CNTNAP3B: variants seen among roughly 807,000 people sequenced by gnomAD.
The protein encoded by CNTNAP3B is contactin associated protein family member 3B.
A neutral mutation model predicts 108.9 loss-of-function variants in CNTNAP3B; 25 were observed. That is an observed-to-expected ratio of 0.23 (90% CI 0.17 to 0.32). The LOEUF (loss-of-function observed/expected upper bound fraction) is 0.32, where lower values mean the gene tolerates loss of function less well. Among genes scored for constraint, CNTNAP3B ranks in the 10% least tolerant of loss-of-function variants. CNTNAP3B has a pLI of 1.00. For synonymous variants in CNTNAP3B, 103 were observed against 473.4 expected (o/e 0.22, Z 10.16); for missense variants, 252 against 1,210.4 (o/e 0.21, Z 11.75).
At position 41,954,966 on chromosome 9, in the gene CNTNAP3B, G is replaced by A. The variant is rs1223639611; in HGVS notation, c.1877-1580C>T. 2.0e-5 allele frequency among the ~76,000 whole-genome samples: 3 copies of A among 151,942 alleles called. No homozygotes were observed. The East Asian group carries it at 5.8e-4, about 29-fold the overall frequency. ...CTCCCAAAGTGCTGGGATTACAGGTGTGAGCCACCACGCCTGGCCTCATTT... is the reference window on the plus strand; with the variant it reads ...CTCCCAAAGTGCTGGGATTACAGGTATGAGCCACCACGCCTGGCCTCATTT... On this transcript the variant is annotated intron_variant, in intron 12 of 23. Transcript: ENST00000377561.
Position 41,983,829 on chromosome 9 carries a change from C to T in CNTNAP3B, c.1477+2339G>A, listed in dbSNP as rs1350144279. On this transcript the variant is annotated intron_variant, in intron 9 of 23. Transcript: ENST00000377561. ...CTTTGGGAGGCCGAGGCGGTCGAAT[C>T]ACAAGGTCAGGAGATCGAGACCATC... The T allele has an allele frequency of 2.2e-5, 2 of 89,310 alleles. 1 individual carries two copies. The highest frequency in any genetic ancestry group is 8.6e-5 in the African/African-American group (2 of 23,300). The allele number at this position is 89,310 out of a possible 1,614,324, so 5.5% of individuals were successfully genotyped here.
intron 12 of CNTNAP3B, chr9:41,960,424 G>C (rs1286469753): frequency 5.0e-6 from 1 of 198,328 alleles, no homozygotes; most frequent in African/African-American, 2.4e-5. Context: ...ACATATCTAT[G>C]TTATTTCTTA....
At chr9:42,053,581 A>G (rs1442804677) in intron 3 of CNTNAP3B, among the ~76,000 whole-genome samples, 1 of 139,720 alleles carries the variant, frequency 7.2e-6, no homozygotes, top group Admixed American at 7.1e-5. Context: ...TGAGGTGGAG[A>G]CCAGTTGGCA....
intron 2 of CNTNAP3B, among the ~76,000 whole-genome samples, chr9:42,096,033 C>T (rs535456382): frequency 7.2e-6 from 1 of 139,062 alleles, no homozygotes; most frequent in East Asian, 2.2e-4. Context: ...CATGGTCTTG[C>T]TCACCTGCCT....
Position 42,115,136 on chromosome 9 carries a change from C to A in CNTNAP3B, c.86-10397G>T, listed in dbSNP as rs1411413223. Among the ~76,000 whole-genome samples, 23 of 138,600 alleles carry A rather than the reference C, an allele frequency of 1.7e-4. 3 individuals carry two copies. Among genetic ancestry groups the A allele is most frequent in the African/African-American group, 6.3e-4 (22 of 34,932 alleles). 90.9% of individuals were successfully genotyped at this position (138,600 alleles called of 152,430 possible). A position where few individuals can be genotyped will look rare whatever the true frequency, so the allele number is the denominator to read the frequency against. ...GCAAAGTGAGTTAAAGCCCAGAACACATTAAGACTTTCAAACATTGCTAAA... is the reference window on the plus strand; with the variant it reads ...GCAAAGTGAGTTAAAGCCCAGAACAAATTAAGACTTTCAAACATTGCTAAA... On this transcript the variant is annotated intron_variant, in intron 1 of 23. Transcript: ENST00000377561.
At chr9:41,943,052 A>G (rs1407568004) in intron 13 of CNTNAP3B, among the ~76,000 whole-genome samples, 1 of 152,294 alleles carries the variant, frequency 6.6e-6, no homozygotes, top group African/African-American at 2.4e-5. Flanking sequence ...TCAGATAAGG[A>G]ATTTGAAATA....
intron 13 of CNTNAP3B, among the ~76,000 whole-genome samples, chr9:41,947,311 G>A (rs1327303595): frequency 5.6e-3 from 847 of 151,890 alleles, no homozygotes; most frequent in African/African-American, 0.02. Flanking sequence ...ATCACACAAA[G>A]TATATTCTCT....
chr9:42,026,845 C>A (rs1826420511), intron 3 of CNTNAP3B, among the ~76,000 whole-genome samples: 1 of 134,610 alleles, frequency 7.4e-6, no homozygotes, highest in South Asian at 2.5e-4. Context: ...CCCCAGGAAC[C>A]CAATCCTGCT....
At chr9:42,070,759 C>T (rs1433950608) in intron 3 of CNTNAP3B, among the ~76,000 whole-genome samples, 1 of 152,176 alleles carries the variant, frequency 6.6e-6, no homozygotes, top group Non-Finnish European at 1.5e-5. Context: ...CTTCCTTCTG[C>T]CCCCTCCGTT....
Position 42,118,425 on chromosome 9 carries a change from C to T in CNTNAP3B, c.85+10585G>A, listed in dbSNP as rs1828373620. 2.2e-5 allele frequency among the ~76,000 whole-genome samples: 3 copies of T among 138,628 alleles called. 1 individual carries two copies. Among genetic ancestry groups the T allele is most frequent in the African/African-American group, 8.6e-5 (3 of 34,928 alleles). 90.9% of individuals were successfully genotyped at this position (138,628 alleles called of 152,430 possible). On this transcript the variant is annotated intron_variant, in intron 1 of 23. Transcript: ENST00000377561. ...ATATAAACAGAACCAATGACAAAAA[C>T]CTCATGATTATCTCAATAGATGCAG...
chr9:41,946,278 A>T (rs1391282834), intron 13 of CNTNAP3B, among the ~76,000 whole-genome samples: 1 of 124,234 alleles, frequency 8.0e-6, no homozygotes, highest in East Asian at 2.3e-4. Flanking sequence ...GCGTTATAGA[A>T]TATTTTATCT....
chr9:42,026,531 G>C (rs1826410467), intron 3 of CNTNAP3B, among the ~76,000 whole-genome samples: 1 of 94,688 alleles, frequency 1.1e-5, no homozygotes, highest in Admixed American at 1.1e-4. Flanking sequence ...AGCTTGCAGC[G>C]AGCCCAGATG....
At chr9:42,035,469 G>A (rs1400170122) in intron 3 of CNTNAP3B, among the ~76,000 whole-genome samples, 2 of 145,770 alleles carry the variant, frequency 1.4e-5, no homozygotes, top group Non-Finnish European at 3.0e-5. Context: ...GAAGATCTTG[G>A]GGGTTAATAA....
rs532713962 is a variant in CNTNAP3B, at chr9:42,118,219, A to G, written c.85+10791T>C. ...GATACCAAAGCCTGGCAGAGACACA[A>G]ACAAAAAAGAGAATTTTAGACCAAT... is the stretch of plus-strand genomic sequence containing the variant. On this transcript the variant is annotated intron_variant, in intron 1 of 23. Coordinates refer to ENST00000377561, the MANE Select transcript of CNTNAP3B (RefSeq NM_001201380.3). 6.5e-5 allele frequency among the ~76,000 whole-genome samples: 9 copies of G among 139,456 alleles called. 1 individual carries two copies. Among genetic ancestry groups the G allele is most frequent in the African/African-American group, 2.3e-4 (8 of 35,162 alleles). 91.5% of individuals were successfully genotyped at this position (139,456 alleles called of 152,430 possible).
chr9:42,001,147 C>A (rs941908570), intron 4 of CNTNAP3B, among the ~76,000 whole-genome samples: 3 of 72,286 alleles, frequency 4.2e-5, no homozygotes, highest in African/African-American at 2.0e-4. Flanking sequence ...CTTGCAAGAG[C>A]AAAGAAAAGT....
chr9:41,945,801 A>C (rs944931848), intron 13 of CNTNAP3B, among the ~76,000 whole-genome samples: 1 of 152,260 alleles, frequency 6.6e-6, no homozygotes, highest in Non-Finnish European at 1.5e-5. Context: ...CAGAGTGAAC[A>C]ACAACAACAA....
intron 13 of CNTNAP3B, among the ~76,000 whole-genome samples, chr9:41,945,832 G>A (rs1824516941): frequency 1.3e-5 from 2 of 152,242 alleles, no homozygotes; most frequent in African/African-American, 2.4e-5. Context: ...CCACCTACAT[G>A]TTGTCTACTG....
intron 12 of CNTNAP3B, among the ~76,000 whole-genome samples, chr9:41,954,894 C>G (rs1292789911): frequency 6.6e-6 from 1 of 152,142 alleles, no homozygotes; most frequent in East Asian, 1.9e-4. Flanking sequence ...CCATGTTGGC[C>G]AGGCTGGTCT....
chr9:41,992,424 C>A (rs1465281199), intron 7 of CNTNAP3B, among the ~76,000 whole-genome samples: 4 of 143,886 alleles, frequency 2.8e-5, no homozygotes, highest in Non-Finnish European at 6.1e-5. Flanking sequence ...GTTTTCAGAT[C>A]TAATAGTTAT....
Sources: allele counts gnomAD v4.1 joint callset (sites outside exome capture counted in the v4.1 genomes callset), GRCh38; gene constraint gnomAD v4.1.1; transcripts MANE v1.5; gene names NCBI Gene and HGNC (gene_info 2026-07-23, HGNC 2026-07-21).